FAM227B: variants seen among roughly 807,000 people sequenced by gnomAD.
FAM227B encodes the protein family with sequence similarity 227 member B, also known as protein FAM227B.
A neutral mutation model predicts 73.8 loss-of-function variants in FAM227B; 88 were observed. The ratio of observed to expected loss-of-function variants is 1.19; its 90% CI spans 1.00 to 1.42. The LOEUF is 1.42. Ranked by LOEUF, FAM227B falls within the 40% of genes most tolerant of loss-of-function variation. The pLI is 0.00. For synonymous variants in FAM227B, 210 were observed against 190.5 expected (o/e 1.10, Z -0.84); for missense variants, 632 against 590.9 (o/e 1.07, Z -0.72).
chr15:49,381,180 G>T (rs920026301), intron 11 of FAM227B, among the ~76,000 whole-genome samples: 5 of 152,110 alleles, frequency 3.3e-5, no homozygotes, highest in Admixed American at 2.0e-4. Context: ...TGAAGGATCT[G>T]CCCCCGCCTC....
chr15:49,582,259 A>G (rs1419155594), intron 5 of FAM227B, among the ~76,000 whole-genome samples: 1 of 152,216 alleles, frequency 6.6e-6, no homozygotes, highest in East Asian at 1.9e-4. Context: ...AATGACACAC[A>G]TAGGCTCAAA....
intron 11 of FAM227B, among the ~76,000 whole-genome samples, chr15:49,450,233 A>G (rs947721443): frequency 6.6e-6 from 1 of 152,100 alleles, no homozygotes; most frequent in African/African-American, 2.4e-5. Context: ...TAACAATTGA[A>G]CAACTGATGA....
intron 9 of FAM227B, among the ~76,000 whole-genome samples, chr15:49,566,947 A>G (rs2074705698): frequency 6.6e-6 from 1 of 152,226 alleles, no homozygotes. Flanking sequence ...TTTGGATCAT[A>G]AAAGTAGAAA....
rs989074434 is a variant in FAM227B at position 49,415,126 on chromosome 15, A to C, written c.1013-43727T>G. The stretch of plus-strand genomic sequence containing the variant: ...TTTGAAAGCTAATGAATTGAAAATT[A>C]AGCCAGTTTTGCTACTAACACATTG... On this transcript the variant is annotated intron_variant, in intron 11 of 15. Transcript: ENST00000299338. Among the ~76,000 whole-genome samples the C allele has an allele frequency of 4.6e-5, 7 of 152,202 alleles. No individual in the cohort carries two copies. The South Asian group carries it at 1.0e-3, about 22-fold the overall frequency.
chr15:49,608,754 G>A (rs1016848677), intron 3 of FAM227B, among the ~76,000 whole-genome samples: 4 of 151,772 alleles, frequency 2.6e-5, no homozygotes, highest in South Asian at 2.1e-4. Flanking sequence ...CACAGATTAC[G>A]AATCTAACAG....
At chr15:49,589,629 C>T in intron 4 of FAM227B, 147 bp downstream of exon 4, 1 of 596,642 alleles carries the variant, frequency 1.7e-6, no homozygotes, top group Non-Finnish European at 3.0e-6. Context: ...AAAATAAGGA[C>T]TGGCCAGGTG....
chr15:49,617,441 G>C (rs895217609), intron 1 of FAM227B, among the ~76,000 whole-genome samples: 9 of 152,046 alleles, frequency 5.9e-5, no homozygotes, highest in African/African-American at 2.2e-4. Flanking sequence ...TTCAACAACA[G>C]TCTAGTGAAA....
intron 10 of FAM227B, among the ~76,000 whole-genome samples, chr15:49,533,881 C>T (rs531862027): frequency 1.8e-4 from 27 of 151,710 alleles, no homozygotes; most frequent in African/African-American, 5.6e-4. Context: ...GTAATTGAAA[C>T]GTAAGGACTT....
intron 11 of FAM227B, among the ~76,000 whole-genome samples, chr15:49,389,873 G>C (rs974417859): frequency 2.0e-5 from 3 of 151,962 alleles, no homozygotes; most frequent in African/African-American, 7.2e-5. Flanking sequence ...ATTTTTACCA[G>C]CTTTTGCCTT....
intron 11 of FAM227B, among the ~76,000 whole-genome samples, chr15:49,396,693 A>T (rs2047679600): frequency 6.6e-6 from 1 of 150,706 alleles, no homozygotes; most frequent in African/African-American, 2.4e-5. Context: ...CTGACCCCTG[A>T]CCCCCGAGCA....
At chr15:49,553,304 AC>A (rs1197691327) in intron 9 of FAM227B, among the ~76,000 whole-genome samples, 1 of 152,176 alleles carries the variant, frequency 6.6e-6, no homozygotes, top group African/African-American at 2.4e-5. Flanking sequence ...CTGTTCTGAC[AC>A]CTAAAAATGT....
chr15:49,618,191 C>T (rs898315724), intron 1 of FAM227B, among the ~76,000 whole-genome samples: 1 of 152,284 alleles, frequency 6.6e-6, no homozygotes, highest in Middle Eastern at 3.4e-3. Flanking sequence ...CTATCTACTA[C>T]ACTCCTATTT....
intron 13 of FAM227B, among the ~76,000 whole-genome samples, chr15:49,342,936 A>G (rs1025477014): frequency 2.0e-5 from 3 of 152,008 alleles, no homozygotes; most frequent in African/African-American, 7.2e-5. Context: ...CTTTTTCTCT[A>G]GCTGCTTTTA....
chr15:49,464,505 TA>T (rs2054089318), intron 11 of FAM227B, among the ~76,000 whole-genome samples: 1 of 152,164 alleles, frequency 6.6e-6, no homozygotes, highest in African/African-American at 2.4e-5. Flanking sequence ...CTAATGATGA[TA>T]AAATGCTGGA....
intron 13 of FAM227B, among the ~76,000 whole-genome samples, chr15:49,347,698 T>C (rs1008568873): frequency 6.6e-6 from 1 of 152,128 alleles, no homozygotes; most frequent in African/African-American, 2.4e-5. Flanking sequence ...GAAGTATTGA[T>C]AACCTTCAAT....
chr15:49,501,850 A>G (rs995336136), intron 11 of FAM227B, among the ~76,000 whole-genome samples: 69 of 152,246 alleles, frequency 4.5e-4, no homozygotes, highest in Non-Finnish European at 8.8e-5. Context: ...TTTATGGGTC[A>G]GGCCCAGGGA....
At chr15:49,376,678 C>T (rs1161066830) in intron 11 of FAM227B, among the ~76,000 whole-genome samples, 1 of 152,040 alleles carries the variant, frequency 6.6e-6, no homozygotes, top group Non-Finnish European at 1.5e-5. Flanking sequence ...CATTGTGTTG[C>T]ATTTGTAGAC....
At chr15:49,500,546 C>T (rs2058055490) in intron 11 of FAM227B, among the ~76,000 whole-genome samples, 1 of 152,148 alleles carries the variant, frequency 6.6e-6, no homozygotes, top group Admixed American at 6.5e-5. Flanking sequence ...AAAATAAAAC[C>T]TAGCTAAATA....
intron 1 of FAM227B, among the ~76,000 whole-genome samples, chr15:49,616,447 AT>A (rs994916471): frequency 5.5e-4 from 82 of 147,934 alleles, no homozygotes; most frequent in Non-Finnish European, 4.8e-4. Context: ...AGAAAGAGTG[AT>A]TTTTTTTTTT....
Sources: allele counts gnomAD v4.1 joint callset (sites outside exome capture counted in the v4.1 genomes callset), GRCh38; gene constraint gnomAD v4.1.1; transcripts MANE v1.5; gene names NCBI Gene and HGNC (gene_info 2026-07-23, HGNC 2026-07-21).